The following GPC5 variants were observed in gnomAD, a reference collection of about 807,000 sequenced individuals.
GPC5 encodes the protein glypican-5.
Under a neutral mutation model 53.9 loss-of-function variants are expected in GPC5, and 47 were observed. That is an observed-to-expected ratio of 0.87 (90% CI 0.69 to 1.11). GPC5 has a LOEUF of 1.11. Among genes scored for constraint, GPC5 ranks in the 50% most tolerant of loss-of-function variants. GPC5 has a pLI of 0.00. For synonymous variants in GPC5, 286 were observed against 263.3 expected, an observed-to-expected ratio of 1.09 and a Z score of -0.84; for missense variants, 748 against 713.1, an observed-to-expected ratio of 1.05 and a Z score of -0.56.
chr13:91,916,584 T>G lies in GPC5; in HGVS notation c.1401+8527T>G, dbSNP rs1391240650. On this transcript the variant is annotated intron_variant, in intron 6 of 7. Transcript: ENST00000377067. ...CTGCATTTATTGATATACTACAATA[T>G]TGATAAATATGTTGTATTAGGTTTG... is the stretch of plus-strand genomic sequence containing the variant. Among the ~76,000 whole-genome samples the G allele has an allele frequency of 5.9e-5, 9 of 152,286 alleles. No homozygotes were observed. The East Asian group carries it at 1.7e-3, about 29-fold the overall frequency.
chr13:92,230,224 A>T (rs988726879), intron 7 of GPC5, among the ~76,000 whole-genome samples: 1 of 152,180 alleles, frequency 6.6e-6, no homozygotes, highest in Non-Finnish European at 1.5e-5. Flanking sequence ...AAATTATAAA[A>T]TATGTTCTCA....
intron 2 of GPC5, among the ~76,000 whole-genome samples, chr13:91,648,876 G>A (rs1021115316): frequency 2.0e-5 from 3 of 152,216 alleles, no homozygotes; most frequent in Non-Finnish European, 4.4e-5. Context: ...AGTACAGTGC[G>A]GTATCAAGAG....
chr13:92,204,504 T>C (rs2042318788), intron 7 of GPC5, among the ~76,000 whole-genome samples: 2 of 152,110 alleles, frequency 1.3e-5, no homozygotes, highest in Admixed American at 6.5e-5. Context: ...CAGCAAGGAA[T>C]CAGGGTCCAA....
chr13:92,060,084 T>C (rs2041110404), intron 6 of GPC5: 1 of 152,066 alleles, frequency 6.6e-6, no homozygotes, highest in Admixed American at 6.5e-5. Flanking sequence ...ATATTATAAA[T>C]ACATTTGATA....
intron 4 of GPC5, among the ~76,000 whole-genome samples, chr13:91,748,263 A>G (rs1245404113): frequency 5.3e-5 from 8 of 152,206 alleles, no homozygotes; most frequent in Admixed American, 5.2e-4. Context: ...CATTACATAT[A>G]AATAGGAGCT....
intron 2 of GPC5, among the ~76,000 whole-genome samples, chr13:91,466,423 A>T (rs1882244043): frequency 6.6e-6 from 1 of 152,188 alleles, no homozygotes; most frequent in Admixed American, 6.5e-5. Flanking sequence ...TGACAGGAAC[A>T]AACTTTACGT....
intron 7 of GPC5, among the ~76,000 whole-genome samples, chr13:92,485,075 G>A (rs779238387): frequency 6.6e-6 from 1 of 152,118 alleles, no homozygotes; most frequent in Non-Finnish European, 1.5e-5. Context: ...CCAAGGGGAT[G>A]TTGGCAAGTG....
chr13:92,567,827 T>G (rs2139037266), intron 7 of GPC5, among the ~76,000 whole-genome samples: 1 of 152,300 alleles, frequency 6.6e-6, no homozygotes, highest in Non-Finnish European at 1.5e-5. Context: ...CTTACATTTG[T>G]TATTGTTTTA....
intron 6 of GPC5, among the ~76,000 whole-genome samples, chr13:92,078,922 A>G (rs1298949273): frequency 6.6e-6 from 1 of 152,136 alleles, no homozygotes; most frequent in Admixed American, 6.5e-5. Flanking sequence ...GTCAATACAC[A>G]AACACCTGTG....
chr13:91,403,137 T>C (rs966757204), intron 1 of GPC5, among the ~76,000 whole-genome samples: 4 of 152,176 alleles, frequency 2.6e-5, no homozygotes, highest in African/African-American at 9.7e-5. Flanking sequence ...GAACAACGTG[T>C]TTGTGGGGAT....
intron 5 of GPC5, among the ~76,000 whole-genome samples, chr13:91,778,880 AT>A (rs2037752665): frequency 6.6e-6 from 1 of 152,236 alleles, no homozygotes; most frequent in Admixed American, 6.5e-5. Context: ...CACCTAGACT[AT>A]ATGCTCCTAG....
chr13:91,875,993 T>C (rs574223413), intron 5 of GPC5, among the ~76,000 whole-genome samples: 1 of 152,222 alleles, frequency 6.6e-6, no homozygotes, highest in Admixed American at 6.5e-5. Context: ...GGGGAGTCTT[T>C]CCTGTGCTAT....
rs1350950174 is a variant in GPC5, at chr13:91,650,755, T to TGTTTTTTTTTTTTTTTTTTTTG, written c.326-42432_326-42431insGTTTTTTTTTTTTTTTTTTTTG. The stretch of plus-strand genomic sequence containing the variant: ...GTGAAACAAAATTCCCATAAGTTTT[T>TGTTTTTTTTTTTTTTTTTTTTG]TTTTTTTTTTTTTTTTTAGCACAGA... On this transcript the variant is annotated intron_variant, in intron 2 of 7. Transcript: ENST00000377067. 5.7e-5 allele frequency among the ~76,000 whole-genome samples: 8 copies of TGTTTTTTTTTTTTTTTTTTTTG among 140,816 alleles called. No homozygotes were observed. In the East Asian group the frequency reaches 1.2e-3, roughly 21 times the overall value. The allele number at this position is 140,816 out of a possible 152,430, so 92.4% of individuals were successfully genotyped here. A position where few individuals can be genotyped will look rare whatever the true frequency, so the allele number is the denominator to read the frequency against.
chr13:92,519,670 A>G (rs1313243018), intron 7 of GPC5, among the ~76,000 whole-genome samples: 3 of 152,174 alleles, frequency 2.0e-5, no homozygotes, highest in African/African-American at 7.2e-5. Flanking sequence ...CCCACAAGAG[A>G]AAGCAGGAAA....
At chr13:92,521,982 C>T (rs1594272736) in intron 7 of GPC5, among the ~76,000 whole-genome samples, 1 of 152,180 alleles carries the variant, frequency 6.6e-6, no homozygotes, top group East Asian at 1.9e-4. Flanking sequence ...TGAACAGACA[C>T]TTCTCAAAAG....
intron 3 of GPC5, among the ~76,000 whole-genome samples, chr13:91,708,302 GAC>G (rs1410304339): frequency 2.6e-5 from 4 of 151,654 alleles, no homozygotes; most frequent in Non-Finnish European, 5.9e-5. Flanking sequence ...CCTGGGATAT[GAC>G]TGTATACTCT....
intron 6 of GPC5, among the ~76,000 whole-genome samples, chr13:91,970,022 T>G (rs1190316778): frequency 6.6e-6 from 1 of 152,098 alleles, no homozygotes; most frequent in African/African-American, 2.4e-5. Context: ...AACCTGAGGG[T>G]TCATCAAGGA....
At chr13:91,610,473 C>T (rs1427628653) in intron 2 of GPC5, among the ~76,000 whole-genome samples, 1 of 152,118 alleles carries the variant, frequency 6.6e-6, no homozygotes, top group Non-Finnish European at 1.5e-5. Flanking sequence ...AAGGGATAGG[C>T]TATTAAGAAA....
intron 7 of GPC5, chr13:92,447,417 C>A (rs899993552): frequency 1.3e-5 from 2 of 151,748 alleles, no homozygotes; most frequent in Admixed American, 1.3e-4. Flanking sequence ...TACATGAATG[C>A]ATAAAAATTA....
Sources: allele counts gnomAD v4.1 joint callset (sites outside exome capture counted in the v4.1 genomes callset), GRCh38; gene constraint gnomAD v4.1.1; transcripts MANE v1.5; gene names NCBI Gene and HGNC (gene_info 2026-07-23, HGNC 2026-07-21).